Variants in SLC8A1 observed in about 807,000 individuals in gnomAD.
The protein encoded by SLC8A1 is solute carrier family 8 member A1.
In SLC8A1, 18 loss-of-function variants were observed where a neutral mutation model predicts 68.3. The ratio of observed to expected loss-of-function variants is 0.26; its 90% CI spans 0.18 to 0.39. The LOEUF (loss-of-function observed/expected upper bound fraction) is 0.39. Ranked by LOEUF, SLC8A1 falls within the 10% of genes least tolerant of loss-of-function variation. The pLI, the probability that SLC8A1 is intolerant of heterozygous loss-of-function variation, is 1.00. For missense variants in SLC8A1, 985 were observed against 1,156.7 expected (o/e 0.85, Z 2.15); for synonymous variants, 475 against 415.5 (o/e 1.14, Z -1.74).
At chr2:40,217,945 G>C (rs941696595) in intron 2 of SLC8A1, among the ~76,000 whole-genome samples, 28 of 150,248 alleles carry the variant, frequency 1.9e-4, no homozygotes, top group Admixed American at 4.7e-4. Context: ...AGATAAAATA[G>C]CTGTGGTAAA....
chr2:40,447,837 A>G (rs756574569), intron 1 of SLC8A1, among the ~76,000 whole-genome samples: 3 of 152,204 alleles, frequency 2.0e-5, no homozygotes, highest in Non-Finnish European at 4.4e-5. Context: ...CTTGCCCTTG[A>G]TCACAAAAGC....
At chr2:40,306,636 TC>T (rs1480418744) in intron 2 of SLC8A1, among the ~76,000 whole-genome samples, 1 of 152,182 alleles carries the variant, frequency 6.6e-6, no homozygotes, top group African/African-American at 2.4e-5. Context: ...CACTTGGTTC[TC>T]GTGCCAAAGT....
chr2:40,380,367 T>G (rs1443489992), intron 2 of SLC8A1, among the ~76,000 whole-genome samples: 1 of 152,174 alleles, frequency 6.6e-6, no homozygotes, highest in Non-Finnish European at 1.5e-5. Context: ...TGAAATGCCT[T>G]TAGCATAGGC....
intron 2 of SLC8A1, among the ~76,000 whole-genome samples, chr2:40,386,920 T>C (rs112917434): frequency 7.3e-5 from 11 of 151,498 alleles, no homozygotes; most frequent in African/African-American, 2.5e-4. Flanking sequence ...GGTTCTACTA[T>C]AGCAGATCAC....
chr2:40,127,223 T>C (rs952347264), intron 7 of SLC8A1, among the ~76,000 whole-genome samples: 3 of 152,214 alleles, frequency 2.0e-5, no homozygotes, highest in African/African-American at 4.8e-5. Context: ...ATAGAAGCTA[T>C]AGATGAGAGA....
intron 2 of SLC8A1, among the ~76,000 whole-genome samples, chr2:40,210,916 C>T (rs12474968): frequency 0.44 from 67,156 of 152,048 alleles, 16,814 homozygotes; most frequent in Non-Finnish European, 0.58. Flanking sequence ...CATCATAAGG[C>T]TACATGCAAT....
intron 2 of SLC8A1, among the ~76,000 whole-genome samples, chr2:40,252,825 T>A (rs1213689303): frequency 8.9e-6 from 1 of 112,480 alleles, no homozygotes; most frequent in African/African-American, 4.0e-5. Flanking sequence ...CATATATATG[T>A]ATATACATGT....
intron 6 of SLC8A1, among the ~76,000 whole-genome samples, chr2:40,144,538 A>T (rs2042109285): frequency 6.6e-6 from 1 of 152,076 alleles, no homozygotes; most frequent in African/African-American, 2.4e-5. Flanking sequence ...GAATTTTTTT[A>T]ATGCCTAGTG....
At chr2:40,221,873 C>T (rs562626601) in intron 2 of SLC8A1, among the ~76,000 whole-genome samples, 17 of 152,230 alleles carry the variant, frequency 1.1e-4, no homozygotes, top group African/African-American at 3.1e-4. Context: ...TAAGAGAGGA[C>T]ACAAACAAAT....
At chr2:40,220,565 G>C (rs1408111215) in intron 2 of SLC8A1, among the ~76,000 whole-genome samples, 1 of 152,130 alleles carries the variant, frequency 6.6e-6, no homozygotes, top group Non-Finnish European at 1.5e-5. Flanking sequence ...TCCTGACAAA[G>C]CAGTCGTTCC....
chr2:40,280,547 T>G (rs1002855499), intron 2 of SLC8A1, among the ~76,000 whole-genome samples: 2 of 152,192 alleles, frequency 1.3e-5, no homozygotes, highest in African/African-American at 4.8e-5. Context: ...TCATGCTAAA[T>G]TAACTAATTC....
intron 2 of SLC8A1, among the ~76,000 whole-genome samples, chr2:40,201,944 G>A (rs2054450147): frequency 6.6e-6 from 1 of 151,962 alleles, no homozygotes; most frequent in African/African-American, 2.4e-5. Flanking sequence ...GCAGCACATG[G>A]AGGATTTCAA....
chr2:40,435,942 AT>A (rs59783278), intron 1 of SLC8A1, among the ~76,000 whole-genome samples: 4,159 of 125,332 alleles, frequency 0.033, 81 homozygotes, highest in African/African-American at 0.071. Flanking sequence ...ATGCTCGGCT[AT>A]TTTTTTTTTT....
chr2:40,273,134 G>A (rs1305610382), intron 2 of SLC8A1, among the ~76,000 whole-genome samples: 2 of 152,052 alleles, frequency 1.3e-5, no homozygotes, highest in African/African-American at 4.8e-5. Flanking sequence ...GTAGAGACGG[G>A]GTTTCACCAT....
At chr2:40,238,964 G>T (rs1468997098) in intron 2 of SLC8A1, among the ~76,000 whole-genome samples, 2 of 151,760 alleles carry the variant, frequency 1.3e-5, no homozygotes, top group African/African-American at 4.8e-5. Flanking sequence ...TGTTATTGTT[G>T]TCATGGAAAC....
chr2:40,146,621 A>G (rs1330956835), intron 6 of SLC8A1, among the ~76,000 whole-genome samples: 1 of 137,970 alleles, frequency 7.2e-6, no homozygotes, highest in African/African-American at 3.0e-5. Context: ...AGATGGTCCC[A>G]TCTTTGGGGG....
At chr2:40,502,705 C>T (rs1243480273) in intron 1 of SLC8A1, among the ~76,000 whole-genome samples, 1 of 151,930 alleles carries the variant, frequency 6.6e-6, no homozygotes, top group African/African-American at 2.4e-5. Context: ...CTCATTTATT[C>T]ACTTAATTAT....
chr2:40,337,994 C>T (rs1254845206), intron 2 of SLC8A1, among the ~76,000 whole-genome samples: 1 of 152,106 alleles, frequency 6.6e-6, no homozygotes, highest in Non-Finnish European at 1.5e-5. Flanking sequence ...ATATGGACAA[C>T]ATCACCCAGC....
At chr2:40,253,102 CATATAT>C (rs901324896) in intron 2 of SLC8A1, among the ~76,000 whole-genome samples, 1 of 106,822 alleles carries the variant, frequency 9.4e-6, no homozygotes, top group African/African-American at 4.2e-5. Context: ...AGTATATATA[CATATAT>C]ACGTGTATAC....
Sources: allele counts gnomAD v4.1 joint callset (sites outside exome capture counted in the v4.1 genomes callset), GRCh38; gene constraint gnomAD v4.1.1; transcripts MANE v1.5; gene names NCBI Gene and HGNC (gene_info 2026-07-23, HGNC 2026-07-21).